Variants in GPR107 observed in about 807,000 individuals in gnomAD.
GPR107 encodes the protein G protein-coupled receptor 107.
Under a neutral mutation model 75.5 loss-of-function variants are expected in GPR107, and 31 were observed. The observed-to-expected ratio is 0.41, with a 90% CI of 0.31 to 0.55. GPR107 has a LOEUF of 0.55. Among genes scored for constraint, GPR107 ranks in the 20% least tolerant of loss-of-function variants. The pLI is 0.26. For synonymous variants in GPR107, 267 were observed against 251.3 expected, an observed-to-expected ratio of 1.06 and a Z score of -0.59; for missense variants, 572 against 665.7, an observed-to-expected ratio of 0.86 and a Z score of 1.55.
rs1669644459 is a variant in GPR107, at chr9:130,138,618, G to A, written c.*3497G>A. ...ATTGATCCCACATAGGCTCATTCTG[G>A]GTACACCGGCTAAAGGCTTTGGTGC... On this transcript the variant is annotated 3_prime_UTR_variant, in exon 18 of 18. Transcript: ENST00000347136. The A allele has an allele frequency of 6.6e-6, 1 of 151,326 alleles. No homozygotes were observed. The highest frequency in any genetic ancestry group is 1.5e-5 in the Non-Finnish European group (1 of 67,946). The allele number at this position is 151,326 out of a possible 1,614,324, so 9.4% of individuals were successfully genotyped here. A position where few individuals can be genotyped will look rare whatever the true frequency, so the allele number is the denominator to read the frequency against.
rs1472122382 is a variant in GPR107 at position 130,083,578 on chromosome 9, T to C, written c.540T>C (p.Ser180=). The part of the protein sequence containing the change: ...QTQKTQDGGK[S]KRSTVDSKAM... Reference sequence around the variant, plus strand: ...TCTTGCTTCTAGATGGTGGAAAGTCTAAAAGAAGTACAGTGGATTCAAAGG... The same window carrying C: ...TCTTGCTTCTAGATGGTGGAAAGTCCAAAAGAAGTACAGTGGATTCAAAGG... The change falls in exon 6 of 18, where the codon TCT becomes TCC. Residue 180 remains serine, a synonymous_variant. Coordinates refer to ENST00000347136, the MANE Select transcript of GPR107 (RefSeq NM_020960.5). 4.6e-6 allele frequency: 7 copies of C among 1,528,728 alleles called. No individual in the cohort carries two copies. Among genetic ancestry groups the C allele is most frequent in the Non-Finnish European group, 4.4e-6 (5 of 1,147,328 alleles). The allele number at this position is 1,528,728 out of a possible 1,614,324, so 94.7% of individuals were successfully genotyped here.
At chr9:130,113,868 C>A (rs568472403) in intron 14 of GPR107, among the ~76,000 whole-genome samples, 1 of 152,112 alleles carries the variant, frequency 6.6e-6, no homozygotes, top group Admixed American at 6.6e-5. Flanking sequence ...TCTGAAAAGG[C>A]CTACATCTAT....
At position 130,126,002 on chromosome 9, in the gene GPR107, C is replaced by A. The variant is rs1831669044; in HGVS notation, c.1356+1038C>A. On this transcript the variant is annotated intron_variant, in intron 15 of 17. Transcript: ENST00000347136. ...CCCAGGAGGCTGAGGTTGCAGTAAG[C>A]CGAGATAGAGTGCCACTGCACTCCA... 7.3e-5 allele frequency among the ~76,000 whole-genome samples: 11 copies of A among 150,282 alleles called. No individual in the cohort carries two copies. In the South Asian group the frequency reaches 2.3e-3, roughly 32 times the overall value.
chr9:130,075,660 C>G lies in GPR107; in HGVS notation c.166C>G (p.Leu56Val), dbSNP rs768213512. 1.3e-6 allele frequency: 2 copies of G among 1,597,520 alleles called. No individual in the cohort carries two copies. The highest frequency in any genetic ancestry group is 2.2e-5 in the East Asian group (1 of 44,796). ...GGATGATGTGAGGCATAAAGTTCAT[C>G]TGAACACCTTTGGCTTCTTCAAGGA... The part of the protein sequence containing the change: ...LKDDVRHKVH[L>V]NTFGFFKDGY... The change falls in exon 2 of 18, where the codon CTG (leucine) becomes GTG (valine). Residue 56 changes from leucine to valine, a missense_variant. Leu to Val is a conservative substitution (Grantham distance 32). Transcript: ENST00000347136.
rs758313453 is a variant in GPR107 at position 130,128,653 on chromosome 9, C to T, written c.1454C>T (p.Thr485Met). Reference sequence around the variant, plus strand: ...TTAAACTTGCAGCTCCTGGATGAAACGGCCACACTGGTCTTCTTTGTTCTA... The same window carrying T: ...TTAAACTTGCAGCTCCTGGATGAAATGGCCACACTGGTCTTCTTTGTTCTA... ...WKWLYQLLDETATLVFFVLTG... is the reference protein window; with the variant it reads ...WKWLYQLLDEMATLVFFVLTG... The change falls in exon 17 of 18, where the codon ACG (threonine) becomes ATG (methionine). Residue 485 changes from threonine to methionine, a missense_variant. Physicochemically the swap from Thr to Met is moderately conservative, Grantham distance 81. Transcript: ENST00000347136. 68 of 1,611,162 alleles carry T rather than the reference C, an allele frequency of 4.2e-5. 1 individual carries two copies. Among genetic ancestry groups the T allele is most frequent in the South Asian group, 3.8e-4 (35 of 91,008 alleles).
At chr9:130,061,025 A>G (rs929883672) in intron 1 of GPR107, among the ~76,000 whole-genome samples, 1 of 152,222 alleles carries the variant, frequency 6.6e-6, no homozygotes, top group African/African-American at 2.4e-5. Context: ...AAATCTGCCA[A>G]TATACATTCA....
intron 17 of GPR107, among the ~76,000 whole-genome samples, chr9:130,131,716 T>C (rs1554899120): frequency 5.3e-5 from 8 of 152,166 alleles, no homozygotes. Flanking sequence ...CCACCCAGTC[T>C]CCTGCAGCCA....
intron 14 of GPR107, chr9:130,114,791 G>A (rs1431836472): frequency 2.8e-5 from 14 of 508,066 alleles, no homozygotes; most frequent in Non-Finnish European, 3.4e-5. Context: ...ACCAAAAGGT[G>A]GAGAACTGCT....
chr9:130,124,759 C>T (rs972802103), intron 14 of GPR107, among the ~76,000 whole-genome samples, 156 bp from the exon 15 acceptor site: 5 of 152,180 alleles, frequency 3.3e-5, no homozygotes, highest in African/African-American at 1.2e-4. Context: ...GAGGAGAGAC[C>T]GCCCAGCGGA....
intron 6 of GPR107, among the ~76,000 whole-genome samples, chr9:130,084,047 C>CATATATATATGTATATATATAT (rs1554892943): frequency 7.6e-6 from 1 of 130,908 alleles, no homozygotes; most frequent in African/African-American, 2.8e-5. Context: ...AGAGAGCTAA[C>CATATATATATGTATATATATAT]ATATATATAT....
rs71387311 is a variant in GPR107 at position 130,085,754 on chromosome 9, A to ATTTTTTTTTTTTTTTTTTTTTTTTTTTT, written c.565-649_565-648insTTTTTTTTTTTTTTTTTTTTTTTTTTTT. 5.9e-3 allele frequency among the ~76,000 whole-genome samples: 462 copies of ATTTTTTTTTTTTTTTTTTTTTTTTTTTT among 78,620 alleles called. 115 individuals are homozygous for ATTTTTTTTTTTTTTTTTTTTTTTTTTTT. The highest frequency in any genetic ancestry group is 7.3e-3 in the African/African-American group (147 of 20,046). The allele number at this position is 78,620 out of a possible 152,430, so 51.6% of individuals were successfully genotyped here. ...TTACTGTATAAATGGCAATATTTTGATTTTTTTTTTTTTTTTTGCCGGGGG... is the reference window on the plus strand; with the variant it reads ...TTACTGTATAAATGGCAATATTTTGATTTTTTTTTTTTTTTTTTTTTTTTTTTTTTTTTTTTTTTTTTTTTGCCGGGGG... On this transcript the variant is annotated intron_variant, in intron 6 of 17. Transcript: ENST00000347136.
In GPR107 at chr9:130,077,246, T is replaced by G. The variant is rs1830373016; in HGVS notation, c.307-53T>G. On this transcript the variant is annotated intron_variant, in intron 3 of 17. Coordinates refer to ENST00000347136, the MANE Select transcript of GPR107 (RefSeq NM_020960.5). ...TGCTATGTTCCTGAAAACTCTGTTCTTGTTCTAGTGTGAATGAATAAGATG... is the reference window on the plus strand; with the variant it reads ...TGCTATGTTCCTGAAAACTCTGTTCGTGTTCTAGTGTGAATGAATAAGATG... 5.3e-6 allele frequency: 5 copies of G among 938,824 alleles called. No individual in the cohort carries two copies. In the South Asian group the frequency reaches 6.5e-5, roughly 12 times the overall value. The allele number at this position is 938,824 out of a possible 1,614,324, so 58.2% of individuals were successfully genotyped here. A position where few individuals can be genotyped will look rare whatever the true frequency, so the allele number is the denominator to read the frequency against.
Position 130,139,423 on chromosome 9 carries a change from A to G in GPR107, c.*4302A>G, listed in dbSNP as rs1331815892. 1 of 152,196 alleles carries G rather than the reference A, an allele frequency of 6.6e-6. No homozygotes were observed. Among genetic ancestry groups the G allele is most frequent in the Non-Finnish European group, 1.5e-5 (1 of 68,036 alleles). 9.4% of individuals were successfully genotyped at this position (152,196 alleles called of 1,614,324 possible). On this transcript the variant is annotated 3_prime_UTR_variant, in exon 18 of 18. Coordinates refer to ENST00000347136, the MANE Select transcript of GPR107 (RefSeq NM_020960.5). The stretch of plus-strand genomic sequence containing the variant: ...AGGCTGAACATACTCCAGATTCCCC[A>G]GAGGCCACTTCTGTAGCCCAGCGAT...
intron 15 of GPR107, among the ~76,000 whole-genome samples, chr9:130,126,050 C>CT (rs1179346428): frequency 1.5e-5 from 2 of 129,914 alleles, no homozygotes; most frequent in African/African-American, 5.6e-5. Context: ...GAGCGAGACT[C>CT]TGTCTCAAAA....
chr9:130,066,935 G>A (rs1315970879), intron 1 of GPR107, among the ~76,000 whole-genome samples: 6 of 151,796 alleles, frequency 4.0e-5, no homozygotes, highest in South Asian at 2.1e-4. Flanking sequence ...GCAGTGAGCC[G>A]AGATGGCGCC....
intron 4 of GPR107, among the ~76,000 whole-genome samples, chr9:130,077,892 A>G (rs748372280): frequency 7.2e-5 from 11 of 152,138 alleles, no homozygotes; most frequent in Non-Finnish European, 1.3e-4. Flanking sequence ...GAGGCCGGGC[A>G]TGGTGGCTCA....
Position 130,064,258 on chromosome 9 carries a change from C to T in GPR107, c.141+10185C>T, listed in dbSNP as rs529543194. 6.1e-5 allele frequency among the ~76,000 whole-genome samples: 8 copies of T among 131,050 alleles called. No individual in the cohort carries two copies. In the East Asian group the frequency reaches 1.3e-3, roughly 21 times the overall value. 86.0% of individuals were successfully genotyped at this position (131,050 alleles called of 152,430 possible). ...CAGGCCGGACTGCGGACTGCAGTGG[C>T]GCAATCTCGGCTCACTGCAAGCTCC... On this transcript the variant is annotated intron_variant, in intron 1 of 17. Coordinates refer to ENST00000347136, the MANE Select transcript of GPR107 (RefSeq NM_020960.5).
rs1480718046 is a variant in GPR107, at chr9:130,135,650, C to T, written c.*529C>T. On this transcript the variant is annotated 3_prime_UTR_variant, in exon 18 of 18. Coordinates refer to ENST00000347136, the MANE Select transcript of GPR107 (RefSeq NM_020960.5). Reference sequence around the variant, plus strand: ...TGACTTTGGAAAGCAAAGTCAAAACCCAGTTTAGGATGTAGCACCTGCCCC... The same window carrying T: ...TGACTTTGGAAAGCAAAGTCAAAACTCAGTTTAGGATGTAGCACCTGCCCC... The T allele has an allele frequency of 1.3e-5, 2 of 153,288 alleles. No individual in the cohort carries two copies. Among genetic ancestry groups the T allele is most frequent in the African/African-American group, 4.8e-5 (2 of 41,374 alleles). The allele number at this position is 153,288 out of a possible 1,614,324, so 9.5% of individuals were successfully genotyped here.
At chr9:130,120,052 C>T (rs1179642408) in intron 14 of GPR107, among the ~76,000 whole-genome samples, 1 of 152,124 alleles carries the variant, frequency 6.6e-6, no homozygotes, top group Admixed American at 6.6e-5. Context: ...TCTCTCCCTC[C>T]GGGGCTCAGC....
Sources: allele counts gnomAD v4.1 joint callset (sites outside exome capture counted in the v4.1 genomes callset), GRCh38; gene constraint gnomAD v4.1.1; transcripts MANE v1.5; gene names NCBI Gene and HGNC (gene_info 2026-07-23, HGNC 2026-07-21).